The following MEI4 variants were observed in gnomAD, a reference collection of about 807,000 sequenced individuals.
MEI4 encodes the protein meiotic double-stranded break formation protein 4.
In MEI4, 27 loss-of-function variants were observed where a neutral mutation model predicts 31.4. That is an observed-to-expected ratio of 0.86 (90% CI 0.63 to 1.19). The LOEUF (loss-of-function observed/expected upper bound fraction) is 1.19, where lower values mean the gene tolerates loss of function less well. MEI4 is among the 50% of genes most tolerant of loss of function. The pLI, the probability that MEI4 is intolerant of heterozygous loss-of-function variation, is 0.00. For synonymous variants in MEI4, 122 were observed against 145.4 expected (o/e 0.84, Z 1.16); for missense variants, 329 against 398.9 (o/e 0.82, Z 1.49).
chr6:77,805,819 A>G (rs1769416964), intron 3 of MEI4, among the ~76,000 whole-genome samples: 2 of 151,838 alleles, frequency 1.3e-5, no homozygotes, highest in Admixed American at 1.3e-4. Context: ...AAAAATAATC[A>G]TTTCATTCTG....
intron 1 of MEI4, among the ~76,000 whole-genome samples, chr6:77,669,386 A>C (rs1198959202): frequency 6.6e-6 from 1 of 152,230 alleles, no homozygotes. Context: ...GTTTTAAATG[A>C]GTGCCTAAAA....
rs549345920 is a variant in MEI4, at chr6:77,873,448, GTTGT to G, written c.900+44393_900+44396del. ...TGTCCTTTGCCCACTTTTTGATGGG[GTTGT>G]TTGTTTTTTTCTTGTAAATTCGTTT... On this transcript the variant is annotated intron_variant, in intron 4 of 4. Transcript: ENST00000684080. 3.8e-3 allele frequency among the ~76,000 whole-genome samples: 585 copies of G among 152,196 alleles called. 4 individuals are homozygous for G. The highest frequency in any genetic ancestry group is 0.013 in the African/African-American group (556 of 41,518).
chr6:77,893,671 C>A (rs1162277868), intron 4 of MEI4, among the ~76,000 whole-genome samples: 1 of 152,120 alleles, frequency 6.6e-6, no homozygotes, highest in East Asian at 1.9e-4. Flanking sequence ...CATCAATAAG[C>A]CAAAGTCCCT....
intron 2 of MEI4, among the ~76,000 whole-genome samples, chr6:77,756,457 G>A (rs1274902762): frequency 6.6e-6 from 1 of 152,008 alleles, no homozygotes; most frequent in African/African-American, 2.4e-5. Context: ...CATCGTTGAG[G>A]ACAGATAGGA....
chr6:77,923,477 T>TCAA lies in MEI4; in HGVS notation c.*133_*135dup. 1 of 746,880 alleles carries TCAA rather than the reference T, an allele frequency of 1.3e-6. No individual in the cohort carries two copies. Among genetic ancestry groups the TCAA allele is most frequent in the African/African-American group, 1.8e-5 (1 of 54,468 alleles). The allele number at this position is 746,880 out of a possible 1,614,324, so 46.3% of individuals were successfully genotyped here. On this transcript the variant is annotated 3_prime_UTR_variant, in exon 5 of 5. Transcript: ENST00000684080. ...TTGATCTCTAAATATAATTATCAAT[T>TCAA]CAACTTAATGGTTAGTCTTAAATTG... is the stretch of plus-strand genomic sequence containing the variant.
At chr6:77,773,418 G>A (rs1768364175) in intron 3 of MEI4, among the ~76,000 whole-genome samples, 1 of 151,932 alleles carries the variant, frequency 6.6e-6, no homozygotes, top group Non-Finnish European at 1.5e-5. Flanking sequence ...AAGGTGGCAA[G>A]AACATACACT....
At chr6:77,683,563 T>C (rs1367813873) in intron 1 of MEI4, among the ~76,000 whole-genome samples, 1 of 152,068 alleles carries the variant, frequency 6.6e-6, no homozygotes, top group Non-Finnish European at 1.5e-5. Flanking sequence ...CTTTTCTCTC[T>C]GGCCCCCACC....
chr6:77,880,869 T>C (rs540377580), intron 4 of MEI4, among the ~76,000 whole-genome samples: 1 of 152,142 alleles, frequency 6.6e-6, no homozygotes, highest in African/African-American at 2.4e-5. Context: ...AGTGAAGTAG[T>C]CTTTTAGCTC....
intron 1 of MEI4, among the ~76,000 whole-genome samples, chr6:77,671,107 G>C (rs1336213588): frequency 6.7e-6 from 1 of 148,408 alleles, no homozygotes; most frequent in Non-Finnish European, 1.5e-5. Flanking sequence ...ACCCAGGCTG[G>C]AGTGCAGTGG....
intron 3 of MEI4, among the ~76,000 whole-genome samples, chr6:77,786,001 A>G (rs1768726434): frequency 1.3e-5 from 2 of 152,132 alleles, no homozygotes; most frequent in Admixed American, 1.3e-4. Flanking sequence ...GCACAGCCAG[A>G]GTTTTACCTT....
intron 4 of MEI4, among the ~76,000 whole-genome samples, chr6:77,875,409 ACTATGTGATACGTGTG>A (rs1771309857): frequency 3.9e-5 from 6 of 152,312 alleles, no homozygotes; most frequent in Admixed American, 1.3e-4. Flanking sequence ...TGAATAGGTC[ACTATGTGATACGTGTG>A]ATCAGTGTTG....
Position 77,690,753 on chromosome 6 carries a change from AG to A in MEI4, c.83del (p.Ser28ThrfsTer40), listed in dbSNP as rs1232950377. On this transcript the variant is annotated frameshift_variant, in exon 2 of 5. Transcript: ENST00000684080. LOFTEE classifies it high-confidence loss of function. ...TATCCGCTCAAAACCAGCAGACAAA[AG>A]CAGCAGAGAATACACAGAGCACCTT... is the stretch of plus-strand genomic sequence containing the variant. The part of the protein sequence containing the change: ...AIIRSKPADK[S>X]SREYTEHLAM... 8.1e-7 allele frequency: 1 copy of A among 1,231,598 alleles called. No individual in the cohort carries two copies. Among genetic ancestry groups the A allele is most frequent in the African/African-American group, 1.6e-5 (1 of 64,378 alleles). 76.3% of individuals were successfully genotyped at this position (1,231,598 alleles called of 1,614,324 possible).
At chr6:77,706,009 A>G (rs570128461) in intron 2 of MEI4, among the ~76,000 whole-genome samples, 42 of 152,246 alleles carry the variant, frequency 2.8e-4, no homozygotes, top group Admixed American at 1.6e-3. Context: ...AGTACTTCGA[A>G]CTGAGGAACA....
chr6:77,674,652 C>T (rs1768807412), intron 1 of MEI4, among the ~76,000 whole-genome samples: 1 of 151,994 alleles, frequency 6.6e-6, no homozygotes, highest in Non-Finnish European at 1.5e-5. Flanking sequence ...GACAGAACTA[C>T]CTAATAATGT....
chr6:77,903,338 T>G (rs1349116899), intron 4 of MEI4, among the ~76,000 whole-genome samples: 8 of 152,116 alleles, frequency 5.3e-5, no homozygotes, highest in Admixed American at 4.6e-4. Flanking sequence ...TTCAGTTAAT[T>G]ATGTGTGATA....
rs564070476 is a variant in MEI4, at chr6:77,760,402, TAAATTCACTCTACACTTTACAGGATG to T, written c.233-725_233-700del. Among the ~76,000 whole-genome samples the T allele has an allele frequency of 1.4e-3, 212 of 152,236 alleles. 1 individual carries two copies. The highest frequency in any genetic ancestry group is 4.5e-3 in the African/African-American group (186 of 41,556). On this transcript the variant is annotated intron_variant, in intron 2 of 4. Transcript: ENST00000684080. ...ACTCTGCACTTTACAGGATGAATTG[TAAATTCACTCTACACTTTACAGGATG>T]AAGGTTCTTAACATGTCTTATATTA...
intron 4 of MEI4, among the ~76,000 whole-genome samples, chr6:77,875,636 A>G (rs754575271): frequency 3.3e-5 from 5 of 152,236 alleles, no homozygotes; most frequent in Non-Finnish European, 5.9e-5. Context: ...TATCATTAAT[A>G]ACAAACACTG....
At chr6:77,913,104 G>A in intron 4 of MEI4, among the ~76,000 whole-genome samples, 1 of 152,014 alleles carries the variant, frequency 6.6e-6, no homozygotes, top group East Asian at 1.9e-4. Flanking sequence ...TTGGTGTAAT[G>A]TATTGAACTA....
At chr6:77,870,611 G>A (rs1192302658) in intron 4 of MEI4, among the ~76,000 whole-genome samples, 3 of 152,010 alleles carry the variant, frequency 2.0e-5, no homozygotes, top group African/African-American at 7.3e-5. Flanking sequence ...GAGGTTCAGG[G>A]ACAGTTTTAG....
Sources: allele counts gnomAD v4.1 joint callset (sites outside exome capture counted in the v4.1 genomes callset), GRCh38; gene constraint gnomAD v4.1.1; transcripts MANE v1.5; gene names NCBI Gene and HGNC (gene_info 2026-07-23, HGNC 2026-07-21).